IGFL2: variants seen among roughly 807,000 people sequenced by gnomAD.
The protein encoded by IGFL2 is IGF like family member 2.
In IGFL2, 7 loss-of-function variants were observed where a neutral mutation model predicts 13.9. The ratio of observed to expected loss-of-function variants is 0.51; its 90% confidence interval spans 0.29 to 0.95. The LOEUF is 0.95. IGFL2 is among the 40% of genes least tolerant of loss of function. IGFL2 has a pLI of 0.08. For missense variants in IGFL2, 138 were observed against 147.8 expected (o/e 0.93, Z 0.34); for synonymous variants, 55 against 55.8 (o/e 0.99, Z 0.07).
chr19:46,099,684 C>T, the IGFL2 span, among the ~76,000 whole-genome samples: 3 of 152,014 alleles, frequency 2.0e-5, no homozygotes, highest in African/African-American at 2.4e-5. Flanking sequence ...CCTGCCACTG[C>T]GCCTGGCTAA....
At chr19:46,095,182 A>G in the IGFL2 span, among the ~76,000 whole-genome samples, 1 of 152,228 alleles carries the variant, frequency 6.6e-6, no homozygotes, top group Non-Finnish European at 1.5e-5. Context: ...CAGCCTTGCC[A>G]GCAACTGTTG....
intron 1 of IGFL2, among the ~76,000 whole-genome samples, chr19:46,158,447 G>C (rs1289120953): frequency 6.7e-6 from 1 of 149,954 alleles, no homozygotes; most frequent in Non-Finnish European, 1.5e-5. Context: ...CTGACCTCGT[G>C]ATCCACCCAC....
the IGFL2 span, among the ~76,000 whole-genome samples, chr19:46,122,191 A>G: frequency 2.0e-5 from 3 of 150,914 alleles, no homozygotes; most frequent in African/African-American, 7.4e-5. Flanking sequence ...GACTTTCCCC[A>G]CATTGTTGAT....
chr19:46,132,038 T>A, the IGFL2 span, among the ~76,000 whole-genome samples: 3 of 152,224 alleles, frequency 2.0e-5, no homozygotes, highest in African/African-American at 7.2e-5. Flanking sequence ...TTTACATTAG[T>A]ATTAAAGATA....
upstream of IGFL2, among the ~76,000 whole-genome samples, chr19:46,145,944 G>T (rs1973113979): frequency 6.6e-6 from 1 of 152,028 alleles, no homozygotes; most frequent in African/African-American, 2.4e-5. Context: ...CCTGTCTGTT[G>T]CTTCACTTAA....
At chr19:46,201,098 C>A in the IGFL2 span, among the ~76,000 whole-genome samples, 3 of 152,204 alleles carry the variant, frequency 2.0e-5, no homozygotes, top group Non-Finnish European at 2.9e-5. Flanking sequence ...GAGCAGAGAG[C>A]AATGGAGAAG....
At chr19:46,079,720 T>C in the IGFL2 span, among the ~76,000 whole-genome samples, 2 of 152,170 alleles carry the variant, frequency 1.3e-5, no homozygotes, top group African/African-American at 4.8e-5. Context: ...TCATGGTGGA[T>C]GAGGGTTGTA....
chr19:46,147,604 G>A (rs1312506607), upstream of IGFL2, among the ~76,000 whole-genome samples: 2 of 152,144 alleles, frequency 1.3e-5, no homozygotes, highest in South Asian at 2.1e-4. Flanking sequence ...GCGACGTCTG[G>A]GAAGATCGTG....
At chr19:46,162,772 C>G (rs1974224482), downstream of IGFL2, among the ~76,000 whole-genome samples, 2 of 152,150 alleles carry the variant, frequency 1.3e-5, no homozygotes. Flanking sequence ...TTGTTTCTAT[C>G]TGTATTCTGA....
chr19:46,138,080 G>A, the IGFL2 span, among the ~76,000 whole-genome samples: 7 of 152,270 alleles, frequency 4.6e-5, no homozygotes, highest in Non-Finnish European at 1.0e-4. Context: ...GTCATTTGGC[G>A]GTGAGAAGAC....
the IGFL2 span, among the ~76,000 whole-genome samples, chr19:46,170,620 T>C: frequency 6.6e-6 from 1 of 152,160 alleles, no homozygotes; most frequent in African/African-American, 2.4e-5. Flanking sequence ...AAGAGAAATA[T>C]TGCTGAATTC....
At chr19:46,136,760 C>T in the IGFL2 span, 5 of 606,512 alleles carry the variant, frequency 8.2e-6, no homozygotes, top group African/African-American at 5.5e-5. Context: ...CTGTAAGTTT[C>T]GGCTGAAGCT....
At chr19:46,145,064 A>C (rs537039428), upstream of IGFL2, among the ~76,000 whole-genome samples, 1 of 152,050 alleles carries the variant, frequency 6.6e-6, no homozygotes, top group African/African-American at 2.4e-5. Flanking sequence ...CTTTTTTGCT[A>C]TTACAAGTAA....
At chr19:46,176,635 T>G in the IGFL2 span, among the ~76,000 whole-genome samples, 2 of 151,564 alleles carry the variant, frequency 1.3e-5, no homozygotes, top group African/African-American at 4.8e-5. Context: ...CTGGGAGCCA[T>G]TTGAGAGCCC....
chr19:46,085,746 G>A, the IGFL2 span, among the ~76,000 whole-genome samples: 1 of 152,154 alleles, frequency 6.6e-6, no homozygotes, highest in Non-Finnish European at 1.5e-5. Context: ...GTGTGTTTTT[G>A]TGGTGGCTGG....
the IGFL2 span, chr19:46,120,129 G>A: frequency 4.6e-6 from 3 of 652,378 alleles, no homozygotes; most frequent in Non-Finnish European, 7.5e-6. Context: ...GGGAAGGGGA[G>A]CTGGAAAGGG....
chr19:46,120,735 A>G, the IGFL2 span, among the ~76,000 whole-genome samples: 1 of 151,094 alleles, frequency 6.6e-6, no homozygotes, highest in South Asian at 2.1e-4. Flanking sequence ...ATAAACTTCT[A>G]TAATTTGGTT....
the IGFL2 span, among the ~76,000 whole-genome samples, chr19:46,176,203 G>GAA: frequency 1.4e-5 from 2 of 140,680 alleles, no homozygotes. Flanking sequence ...AAAAAGAAAA[G>GAA]AAAACTGGAG....
At chr19:46,103,573 G>A in the IGFL2 span, among the ~76,000 whole-genome samples, 1 of 151,700 alleles carries the variant, frequency 6.6e-6, no homozygotes, top group Non-Finnish European at 1.5e-5. Context: ...GGAGATATCC[G>A]CTGTGATGGT....
Sources: gnomAD v4.1 joint callset for allele counts (sites outside exome capture counted in the v4.1 genomes callset) on GRCh38, gnomAD v4.1.1 for gene constraint, MANE v1.5 for transcripts, NCBI Gene and HGNC (gene_info 2026-07-23, HGNC 2026-07-21) for gene names.